RBFOX1: variants seen among roughly 807,000 people sequenced by gnomAD.
The protein encoded by RBFOX1 is RNA binding fox-1 homolog 1, also known as RNA binding protein fox-1 homolog 1.
RBFOX1 carries 8 observed loss-of-function variants against 57.7 expected under a neutral mutation model. The ratio of observed to expected loss-of-function variants is 0.14; its 90% CI spans 0.08 to 0.25. The LOEUF is 0.25. Ranked by LOEUF, RBFOX1 falls within the 10% of genes least tolerant of loss-of-function variation. The pLI is 1.00. For synonymous variants in RBFOX1, 326 were observed against 222.4 expected, an observed-to-expected ratio of 1.47 and a Z score of -4.15; for missense variants, 611 against 548.5, an observed-to-expected ratio of 1.11 and a Z score of -1.14.
chr16:6,034,910 C>T (rs17139200), intron 1 of RBFOX1, among the ~76,000 whole-genome samples: 8 of 149,772 alleles, frequency 5.3e-5, no homozygotes, highest in African/African-American at 2.0e-4. Context: ...GAGTCACACT[C>T]AGGGCCTCTA....
intron 2 of RBFOX1, among the ~76,000 whole-genome samples, chr16:5,597,266 T>C (rs5015130): frequency 0.22 from 29,873 of 136,600 alleles, 3,264 homozygotes; most frequent in African/African-American, 0.23. Flanking sequence ...TGCACCTCTC[T>C]GTCCTTCCCT....
intron 3 of RBFOX1, among the ~76,000 whole-genome samples, chr16:6,758,768 C>G (rs12446260): frequency 0.52 from 78,467 of 151,906 alleles, 21,936 homozygotes; most frequent in Non-Finnish European, 0.62. Flanking sequence ...TCTTTTAAAA[C>G]TTGCATCATG....
chr16:6,884,882 AGCAAGG>A (rs1457897932), intron 3 of RBFOX1, among the ~76,000 whole-genome samples: 4 of 152,198 alleles, frequency 2.6e-5, no homozygotes, highest in African/African-American at 9.6e-5. Context: ...TGCATGGCAG[AGCAAGG>A]CTCTCTTTCA....
At chr16:6,683,994 A>G (rs1342586512) in intron 3 of RBFOX1, among the ~76,000 whole-genome samples, 1 of 152,190 alleles carries the variant, frequency 6.6e-6, no homozygotes, top group East Asian at 1.9e-4. Context: ...CCGACATGTT[A>G]CAAGGTGGGG....
chr16:6,571,932 TATC>T (rs1194955844), intron 2 of RBFOX1, among the ~76,000 whole-genome samples: 6 of 152,232 alleles, frequency 3.9e-5, no homozygotes, highest in East Asian at 1.9e-4. Flanking sequence ...CAATTATGAT[TATC>T]ATCATTTTAT....
At chr16:5,361,429 C>A (rs2065548813) in intron 1 of RBFOX1, among the ~76,000 whole-genome samples, 1 of 152,046 alleles carries the variant, frequency 6.6e-6, no homozygotes, top group Non-Finnish European at 1.5e-5. Context: ...TTTTTTTGAC[C>A]ATTTTATTTC....
intron 1 of RBFOX1, among the ~76,000 whole-genome samples, chr16:6,290,177 C>T (rs1458376182): frequency 2.2e-5 from 3 of 137,980 alleles, no homozygotes; most frequent in Non-Finnish European, 4.8e-5. Context: ...TGAAAGTGAG[C>T]ATTAGTTACT....
chr16:6,852,249 G>T (rs778896109), intron 3 of RBFOX1, among the ~76,000 whole-genome samples: 1 of 152,138 alleles, frequency 6.6e-6, no homozygotes, highest in African/African-American at 2.4e-5. Context: ...CATGACTGCA[G>T]TCTCTGCCTC....
At chr16:6,415,035 G>C (rs1260471278) in intron 2 of RBFOX1, among the ~76,000 whole-genome samples, 1 of 151,978 alleles carries the variant, frequency 6.6e-6, no homozygotes, top group African/African-American at 2.4e-5. Flanking sequence ...CTGAGGTCAG[G>C]AGTTCGAGAC....
At chr16:5,971,803 G>C (rs1030115561) in intron 4 of RBFOX1, among the ~76,000 whole-genome samples, 1 of 152,082 alleles carries the variant, frequency 6.6e-6, no homozygotes, top group Admixed American at 6.5e-5. Flanking sequence ...CCAGATATTT[G>C]GTCAAATATT....
At chr16:6,682,740 T>G (rs973986128) in intron 3 of RBFOX1, among the ~76,000 whole-genome samples, 10 of 152,034 alleles carry the variant, frequency 6.6e-5, no homozygotes, top group African/African-American at 2.4e-4. Flanking sequence ...GAGACGATGT[T>G]ATCATTACCA....
At chr16:5,498,901 G>A (rs2151691216) in intron 2 of RBFOX1, among the ~76,000 whole-genome samples, 1 of 152,330 alleles carries the variant, frequency 6.6e-6, no homozygotes, top group Non-Finnish European at 1.5e-5. Context: ...TGGGTCTGCA[G>A]GTCCATCCTT....
chr16:7,369,222 G>C (rs1362308345), intron 4 of RBFOX1, among the ~76,000 whole-genome samples: 1 of 151,892 alleles, frequency 6.6e-6, no homozygotes, highest in African/African-American at 2.4e-5. Context: ...ATAGTAAAAA[G>C]CAAACACACC....
intron 14 of RBFOX1, among the ~76,000 whole-genome samples, chr16:7,697,872 T>G (rs2079289919): frequency 6.6e-6 from 1 of 152,218 alleles, no homozygotes; most frequent in African/African-American, 2.4e-5. Context: ...AAGGGCACTG[T>G]ATGATTCTTT....
chr16:7,090,889 C>T (rs1185340307), intron 4 of RBFOX1, among the ~76,000 whole-genome samples: 2 of 84,784 alleles, frequency 2.4e-5, no homozygotes, highest in Non-Finnish European at 5.3e-5. Context: ...CCAGCACAAC[C>T]TCCCTTGACC....
At chr16:5,377,632 G>T (rs1472086382) in intron 1 of RBFOX1, among the ~76,000 whole-genome samples, 1 of 150,964 alleles carries the variant, frequency 6.6e-6, no homozygotes, top group African/African-American at 2.5e-5. Flanking sequence ...GAGAGAGAAC[G>T]AGAATGAGAA....
At chr16:5,762,904 A>C (rs2053638896) in intron 3 of RBFOX1, among the ~76,000 whole-genome samples, 1 of 152,164 alleles carries the variant, frequency 6.6e-6, no homozygotes, top group Admixed American at 6.5e-5. Context: ...TTGGGAAGAA[A>C]ACCTCTTGAA....
At chr16:6,713,243 C>G (rs992785671) in intron 3 of RBFOX1, among the ~76,000 whole-genome samples, 6 of 144,682 alleles carry the variant, frequency 4.1e-5, no homozygotes, top group African/African-American at 1.6e-4. Flanking sequence ...TCACATGCAA[C>G]TCTGACCATA....
chr16:6,328,647 T>G (rs1011111600), intron 2 of RBFOX1, among the ~76,000 whole-genome samples: 1 of 152,162 alleles, frequency 6.6e-6, no homozygotes, highest in African/African-American at 2.4e-5. Context: ...AGTAGGAAAG[T>G]TACTTAATCC....
Sources: gnomAD v4.1 joint callset for allele counts (sites outside exome capture counted in the v4.1 genomes callset) on GRCh38, gnomAD v4.1.1 for gene constraint, MANE v1.5 for transcripts, NCBI Gene and HGNC (gene_info 2026-07-23, HGNC 2026-07-21) for gene names.